Variants in RAPGEF4 observed in about 807,000 individuals in gnomAD.
The protein encoded by RAPGEF4 is RAP guanine-nucleotide-exchange factor (GEF) 4.
In RAPGEF4, 66 loss-of-function variants were observed where a neutral mutation model predicts 147.9. That is an observed-to-expected ratio of 0.45 (90% CI 0.37 to 0.55). The LOEUF is 0.55. RAPGEF4 is among the 20% of genes least tolerant of loss of function. The pLI is 0.00. For missense variants in RAPGEF4, 1,071 were observed against 1,257.3 expected (o/e 0.85, Z 2.24); for synonymous variants, 419 against 442.7 (o/e 0.95, Z 0.67).
intron 21 of RAPGEF4, among the ~76,000 whole-genome samples, chr2:173,018,341 T>C (rs1294402585): frequency 6.6e-6 from 1 of 152,196 alleles, no homozygotes; most frequent in African/African-American, 2.4e-5. Flanking sequence ...TTGCCTACAG[T>C]ATAGCACTTC....
chr2:172,809,365 A>G (rs1371820024), intron 3 of RAPGEF4, among the ~76,000 whole-genome samples: 8 of 152,144 alleles, frequency 5.3e-5, no homozygotes, highest in Admixed American at 5.2e-4. Flanking sequence ...GGACCCAGGA[A>G]GGGCTGTCAA....
chr2:172,994,318 G>A (rs958239551), intron 15 of RAPGEF4, among the ~76,000 whole-genome samples: 1 of 152,166 alleles, frequency 6.6e-6, no homozygotes, highest in African/African-American at 2.4e-5. Flanking sequence ...TTCTGAAAAA[G>A]CTCCAGGTAG....
intron 10 of RAPGEF4, among the ~76,000 whole-genome samples, chr2:172,974,326 T>G (rs930372435): frequency 3.3e-5 from 5 of 152,158 alleles, no homozygotes; most frequent in African/African-American, 1.2e-4. Flanking sequence ...GGCTTCAGAA[T>G]GGACTCATGG....
intron 4 of RAPGEF4, among the ~76,000 whole-genome samples, chr2:172,851,388 G>A (rs1692808414): frequency 6.6e-6 from 1 of 152,142 alleles, no homozygotes; most frequent in Non-Finnish European, 1.5e-5. Flanking sequence ...TATGCCACGT[G>A]CAGATGAGAA....
At chr2:172,841,047 A>T (rs951481917) in intron 4 of RAPGEF4, among the ~76,000 whole-genome samples, 1 of 152,236 alleles carries the variant, frequency 6.6e-6, no homozygotes, top group African/African-American at 2.4e-5. Flanking sequence ...GATGAAAGTG[A>T]TAGACCCTCT....
chr2:172,948,767 C>T (rs1280045878), intron 6 of RAPGEF4, among the ~76,000 whole-genome samples: 1 of 151,856 alleles, frequency 6.6e-6, no homozygotes, highest in Non-Finnish European at 1.5e-5. Flanking sequence ...ATACATGGAC[C>T]CACAGAGAGG....
At chr2:172,830,594 T>TC (rs5836393) in intron 4 of RAPGEF4, among the ~76,000 whole-genome samples, 17,211 of 152,104 alleles carry the variant, frequency 0.11, 1,008 homozygotes, top group South Asian at 0.18. Flanking sequence ...AAAACAAGAA[T>TC]CCTGTTTGTT....
intron 3 of RAPGEF4, among the ~76,000 whole-genome samples, chr2:172,811,602 G>A (rs1688030819): frequency 1.3e-5 from 2 of 152,116 alleles, no homozygotes; most frequent in South Asian, 2.1e-4. Context: ...TAAAAGAAAC[G>A]GTTATGTTAC....
At chr2:172,780,793 A>G (rs1684610798) in intron 1 of RAPGEF4, among the ~76,000 whole-genome samples, 1 of 152,190 alleles carries the variant, frequency 6.6e-6, no homozygotes, top group African/African-American at 2.4e-5. Flanking sequence ...TAGTGCATAC[A>G]TAATTTTACA....
intron 1 of RAPGEF4, among the ~76,000 whole-genome samples, chr2:172,778,677 C>A (rs1684402700): frequency 6.6e-6 from 1 of 152,080 alleles, no homozygotes. Flanking sequence ...AGCTTTAGAA[C>A]TGTATTATTT....
intron 4 of RAPGEF4, among the ~76,000 whole-genome samples, chr2:172,904,699 T>C (rs1224210867): frequency 6.6e-6 from 1 of 151,910 alleles, no homozygotes; most frequent in African/African-American, 2.4e-5. Flanking sequence ...AGGAGTGAAG[T>C]GTCTTTAATT....
chr2:172,806,925 C>T (rs1187621765), intron 3 of RAPGEF4, among the ~76,000 whole-genome samples: 3 of 152,170 alleles, frequency 2.0e-5, no homozygotes, highest in African/African-American at 4.8e-5. Context: ...ATGTGTGTTT[C>T]GTTGTAATGC....
intron 4 of RAPGEF4, among the ~76,000 whole-genome samples, chr2:172,889,258 C>T (rs543942577): frequency 1.3e-5 from 2 of 152,014 alleles, no homozygotes; most frequent in African/African-American, 4.8e-5. Flanking sequence ...TGTCGCCTTT[C>T]AAGTTAATGG....
chr2:172,988,632 G>A, intron 13 of RAPGEF4, 61 bp from the exon 14 acceptor site: 1 of 1,519,510 alleles, frequency 6.6e-7, no homozygotes, highest in Admixed American at 1.7e-5. Flanking sequence ...TGTGGCAGGA[G>A]GTGGTGGGTG....
At chr2:172,839,820 G>A (rs1246533049) in intron 4 of RAPGEF4, among the ~76,000 whole-genome samples, 1 of 152,062 alleles carries the variant, frequency 6.6e-6, no homozygotes, top group Non-Finnish European at 1.5e-5. Context: ...ATTTAGTAGT[G>A]GCACATCATT....
At chr2:172,855,274 A>G (rs1404225315) in intron 4 of RAPGEF4, among the ~76,000 whole-genome samples, 1 of 152,132 alleles carries the variant, frequency 6.6e-6, no homozygotes, top group Admixed American at 6.5e-5. Context: ...TCCACTTAGA[A>G]TTCATATTGT....
chr2:172,886,457 C>G (rs1697226161), intron 4 of RAPGEF4, among the ~76,000 whole-genome samples: 1 of 152,204 alleles, frequency 6.6e-6, no homozygotes, highest in Admixed American at 6.5e-5. Flanking sequence ...AGAAAGAACC[C>G]AGCACTCGGC....
intron 6 of RAPGEF4, among the ~76,000 whole-genome samples, chr2:172,934,745 A>C (rs1249900871): frequency 1.2e-4 from 1 of 8,442 alleles, no homozygotes; most frequent in Non-Finnish European, 2.0e-3. Flanking sequence ...GGTTGCAGTA[A>C]AAAAAAAAAA....
At chr2:172,980,096 G>T (rs187781260) in intron 10 of RAPGEF4, among the ~76,000 whole-genome samples, 3 of 152,330 alleles carry the variant, frequency 2.0e-5, no homozygotes, top group African/African-American at 7.2e-5. Context: ...CATGCAAAAA[G>T]TCCTGCAGGC....
Sources: gnomAD v4.1 joint callset for allele counts (sites outside exome capture counted in the v4.1 genomes callset) on GRCh38, gnomAD v4.1.1 for gene constraint, MANE v1.5 for transcripts, NCBI Gene and HGNC (gene_info 2026-07-23, HGNC 2026-07-21) for gene names.